SLC4A4: variants seen among roughly 807,000 people sequenced by gnomAD.
SLC4A4 encodes the protein solute carrier family 4 member 4.
A neutral mutation model predicts 111.5 loss-of-function variants in SLC4A4; 27 were observed. The observed-to-expected ratio is 0.24, with a 90% confidence interval of 0.18 to 0.33. The LOEUF (loss-of-function observed/expected upper bound fraction) is 0.33, where lower values mean the gene tolerates loss of function less well. SLC4A4 is among the 10% of genes least tolerant of loss of function. The pLI, the probability that SLC4A4 is intolerant of heterozygous loss-of-function variation, is 1.00. For missense variants in SLC4A4, 909 were observed against 1,315.5 expected, an observed-to-expected ratio of 0.69 and a Z score of 4.78; for synonymous variants, 443 against 463.4, an observed-to-expected ratio of 0.96 and a Z score of 0.57.
At position 71,147,077 on chromosome 4, in the gene SLC4A4, G is replaced by T. The variant is rs185731310; in HGVS notation, c.-2+54285G>T. Among the ~76,000 whole-genome samples, 443 of 152,232 alleles carry T rather than the reference G, an allele frequency of 2.9e-3. 1 individual carries two copies. The highest frequency in any genetic ancestry group is 4.5e-3 in the Non-Finnish European group (303 of 68,006). ...AGCAAATGGAAAACAAAAAAAGGCA[G>T]GGGTTGCAATCCTAGTCTCAGATAA... is the stretch of plus-strand genomic sequence containing the variant. On this transcript the variant is annotated intron_variant, in intron 2 of 26. Transcript: ENST00000649996.
chr4:71,271,594 G>C (rs941146449), intron 3 of SLC4A4, among the ~76,000 whole-genome samples: 4 of 152,126 alleles, frequency 2.6e-5, no homozygotes, highest in Non-Finnish European at 5.9e-5. Context: ...ATAAAAAGAG[G>C]CACAATCAGT....
At chr4:71,246,560 T>C (rs1004773561) in intron 2 of SLC4A4, among the ~76,000 whole-genome samples, 17 of 152,048 alleles carry the variant, frequency 1.1e-4, no homozygotes, top group African/African-American at 3.4e-4. Flanking sequence ...TGGTAGTAAG[T>C]GGGAAGACAG....
intron 14 of SLC4A4, chr4:71,473,433 A>G (rs1577988716): frequency 7.9e-6 from 2 of 253,050 alleles, no homozygotes; most frequent in East Asian, 1.5e-4. Context: ...GATAATTTAA[A>G]GAATTAAATT....
In SLC4A4 at chr4:71,531,828, A is replaced by G. The variant is rs2123665; in HGVS notation, c.2167-234A>G. ...ACAGAAAGAGAGAGAGAGAGAGAGAAAGAGCGAGCGCAACCTGTTCTTTGG... is the reference window on the plus strand; with the variant it reads ...ACAGAAAGAGAGAGAGAGAGAGAGAGAGAGCGAGCGCAACCTGTTCTTTGG... On this transcript the variant is annotated intron_variant, in intron 16 of 25. Coordinates refer to ENST00000264485, the MANE Select transcript of SLC4A4 (RefSeq NM_001098484.3). Among the ~76,000 whole-genome samples, 108,800 of 146,528 alleles carry G rather than the reference A, an allele frequency of 0.74. 40,615 individuals carry two copies. The highest frequency in any genetic ancestry group is 0.81 in the Non-Finnish European group (54,131 of 66,710).
chr4:71,418,927 G>A (rs1722075018), intron 7 of SLC4A4, among the ~76,000 whole-genome samples: 1 of 152,222 alleles, frequency 6.6e-6, no homozygotes, highest in Non-Finnish European at 1.5e-5. Flanking sequence ...ACACTCAGCT[G>A]CAGGTCTGTT....
intron 7 of SLC4A4, among the ~76,000 whole-genome samples, chr4:71,423,968 A>G (rs1722821323): frequency 6.6e-6 from 1 of 152,192 alleles, no homozygotes; most frequent in Non-Finnish European, 1.5e-5. Flanking sequence ...AAGCAATGGC[A>G]ACAAAAGCCA....
chr4:71,300,723 A>C, intron 3 of SLC4A4: 1 of 373,182 alleles, frequency 2.7e-6, no homozygotes, highest in Non-Finnish European at 5.4e-6. Context: ...CAGCTTCTGG[A>C]GGGGGCCTGG....
At chr4:71,401,065 G>A (rs1720312807) in intron 7 of SLC4A4, among the ~76,000 whole-genome samples, 1 of 152,152 alleles carries the variant, frequency 6.6e-6, no homozygotes, top group African/African-American at 2.4e-5. Context: ...GAACAGTTGT[G>A]ATGGTGCCTT....
chr4:71,147,882 G>C (rs1267414285), intron 2 of SLC4A4, among the ~76,000 whole-genome samples: 2 of 152,110 alleles, frequency 1.3e-5, no homozygotes, highest in African/African-American at 2.4e-5. Flanking sequence ...GTTGTCCCGA[G>C]GGAGGACAGA....
chr4:71,282,294 TGA>T (rs1235980166), intron 3 of SLC4A4, among the ~76,000 whole-genome samples: 12 of 150,386 alleles, frequency 8.0e-5, no homozygotes, highest in Non-Finnish European at 1.6e-4. Flanking sequence ...TCCCTAAAGA[TGA>T]TTTTTTTTTT....
At chr4:71,479,070 A>C (rs1468818968) in intron 14 of SLC4A4, among the ~76,000 whole-genome samples, 1 of 151,726 alleles carries the variant, frequency 6.6e-6, no homozygotes, top group Non-Finnish European at 1.5e-5. Context: ...TGAACTATAA[A>C]AGTAAGAAAA....
intron 6 of SLC4A4, among the ~76,000 whole-genome samples, chr4:71,390,473 A>T (rs1055467970): frequency 1.3e-5 from 2 of 152,178 alleles, no homozygotes; most frequent in African/African-American, 4.8e-5. Flanking sequence ...TGCCTTTAGC[A>T]TCCTTCTTTG....
chr4:71,435,896 A>T (rs574019646), intron 7 of SLC4A4, among the ~76,000 whole-genome samples: 2 of 152,242 alleles, frequency 1.3e-5, no homozygotes, highest in Non-Finnish European at 2.9e-5. Flanking sequence ...ATCATTAAAA[A>T]GTCAGGAAAC....
At chr4:71,488,927 T>TGTGTGTGTGTGG (rs1473163089) in intron 15 of SLC4A4, among the ~76,000 whole-genome samples, 2 of 149,056 alleles carry the variant, frequency 1.3e-5, no homozygotes, top group African/African-American at 4.9e-5. Flanking sequence ...TGTGTGTGTG[T>TGTGTGTGTGTGG]GGTCATGAAG....
At chr4:71,401,530 A>G (rs889568143) in intron 7 of SLC4A4, among the ~76,000 whole-genome samples, 1 of 152,072 alleles carries the variant, frequency 6.6e-6, no homozygotes, top group African/African-American at 2.4e-5. Flanking sequence ...TTATCTAATT[A>G]TGTTTCTTGA....
chr4:71,395,011 A>G (rs978589029), intron 6 of SLC4A4, among the ~76,000 whole-genome samples: 3 of 152,160 alleles, frequency 2.0e-5, no homozygotes, highest in Non-Finnish European at 4.4e-5. Flanking sequence ...AAATCTCACA[A>G]ATCATCACTA....
chr4:71,446,718 TATC>T (rs1424012137), intron 8 of SLC4A4, among the ~76,000 whole-genome samples: 1 of 152,354 alleles, frequency 6.6e-6, no homozygotes, highest in East Asian at 1.9e-4. Flanking sequence ...CATATGATGT[TATC>T]ATTTTTATTG....
chr4:71,405,027 G>A (rs1224092156), intron 7 of SLC4A4, among the ~76,000 whole-genome samples: 2 of 151,700 alleles, frequency 1.3e-5, no homozygotes, highest in Non-Finnish European at 2.9e-5. Flanking sequence ...TGTTGCCCAG[G>A]CTGGTCTCGA....
intron 6 of SLC4A4, among the ~76,000 whole-genome samples, chr4:71,370,461 A>G (rs535859084): frequency 1.3e-5 from 2 of 152,320 alleles, no homozygotes; most frequent in Non-Finnish European, 1.5e-5. Flanking sequence ...AAAAAATTTC[A>G]GGTAAAAAGT....
Sources: allele counts gnomAD v4.1 joint callset (sites outside exome capture counted in the v4.1 genomes callset), GRCh38; gene constraint gnomAD v4.1.1; transcripts MANE v1.5; gene names NCBI Gene and HGNC (gene_info 2026-07-23, HGNC 2026-07-21).